Variants in BRD2 observed in about 807,000 individuals in gnomAD.
The protein encoded by BRD2 is bromodomain-containing protein 2.
BRD2 carries 15 observed loss-of-function variants against 79.1 expected under a neutral mutation model. The ratio of observed to expected loss-of-function variants is 0.19; its 90% CI spans 0.13 to 0.29. BRD2 has a LOEUF of 0.29. Ranked by LOEUF, BRD2 falls within the 10% of genes least tolerant of loss-of-function variation. The pLI, the probability that BRD2 is intolerant of heterozygous loss-of-function variation, is 1.00. For synonymous variants in BRD2, 488 were observed against 358.6 expected (o/e 1.36, Z -4.08); for missense variants, 1,053 against 991.3 (o/e 1.06, Z -0.84).
At chr6:32,975,910 C>G (rs1186333846) in intron 4 of BRD2, 121 bp from the exon 5 acceptor site, 14 of 1,162,318 alleles carry the variant, frequency 1.2e-5, no homozygotes, top group Admixed American at 5.8e-5. Context: ...GATTTGATGA[C>G]AAGATGACTG....
At position 32,971,992 on chromosome 6, in the gene BRD2, G is replaced by T; in HGVS notation, c.-907G>T. On this transcript the variant is annotated 5_prime_UTR_variant, in exon 2 of 13. Coordinates refer to ENST00000374825, the MANE Select transcript of BRD2 (RefSeq NM_005104.4). Reference sequence around the variant, plus strand: ...TGGTGACTGACACCTTGGAAATGAAGTTTATGACGTCATCGTTGCGGCTGG... The same window carrying T: ...TGGTGACTGACACCTTGGAAATGAATTTTATGACGTCATCGTTGCGGCTGG... 1.4e-6 allele frequency: 1 copy of T among 702,740 alleles called. No homozygotes were observed. Among genetic ancestry groups the T allele is most frequent in the South Asian group, 1.5e-5 (1 of 67,482 alleles). 43.5% of individuals were successfully genotyped at this position (702,740 alleles called of 1,614,324 possible).
At position 32,975,903 on chromosome 6, in the gene BRD2, T is replaced by G. The variant is rs1488842870; in HGVS notation, c.472-128T>G. The G allele has an allele frequency of 4.4e-6, 5 of 1,129,044 alleles. No homozygotes were observed. In the East Asian group the frequency reaches 1.3e-4, roughly 29 times the overall value. 69.9% of individuals were successfully genotyped at this position (1,129,044 alleles called of 1,614,324 possible). A position where few individuals can be genotyped will look rare whatever the true frequency, so the allele number is the denominator to read the frequency against. ...TGGAGTAGGAAATTTTCTTTAAGAT[T>G]TGATGACAAGATGACTGGTGGGGGT... On this transcript the variant is annotated intron_variant, in intron 4 of 12. Coordinates refer to ENST00000374825, the MANE Select transcript of BRD2 (RefSeq NM_005104.4).
chr6:32,980,357 T>G lies in BRD2; in HGVS notation c.2162T>G (p.Val721Gly). The change falls in exon 12 of 13, where the codon GTG becomes GGG. Residue 721 changes from valine to glycine, a missense_variant. This residue lies in a region of BRD2 where 139 missense variants were observed against 133.2 expected (regional missense o/e 1.04). Coordinates refer to ENST00000374825, the MANE Select transcript of BRD2 (RefSeq NM_005104.4). Reference sequence around the variant, plus strand: ...CTTTCATTAGCCATTAAGAAGCCTGTGGGAAAGACAAAGGAGGAACTGGCT... The same window carrying G: ...CTTTCATTAGCCATTAAGAAGCCTGGGGGAAAGACAAAGGAGGAACTGGCT... ...PRKPYTIKKPVGKTKEELALE... is the reference protein window; with the variant it reads ...PRKPYTIKKPGGKTKEELALE... The G allele has an allele frequency of 1.9e-6, 3 of 1,612,954 alleles. No individual in the cohort carries two copies. Among genetic ancestry groups the G allele is most frequent in the Non-Finnish European group, 2.5e-6 (3 of 1,180,010 alleles).
Position 32,977,956 on chromosome 6 carries a change from C to T in BRD2, c.1529C>T (p.Ser510Leu), listed in dbSNP as rs1214917662. 6.2e-7 allele frequency: 1 copy of T among 1,612,254 alleles called. No homozygotes were observed. The highest frequency in any genetic ancestry group is 8.5e-7 in the Non-Finnish European group (1 of 1,180,008). ...EDEEEEESES[S>L]DSEEERAHRL... is the part of the protein sequence containing the mutation. The stretch of plus-strand genomic sequence containing the variant: ...GAGGAGGAAGAAGAGAGTGAAAGCT[C>T]AGACTCAGAGGAAGAAAGGGCTCAT... The change falls in exon 9 of 13, where the codon TCA (serine) becomes TTA (leucine). Residue 510 changes from serine to leucine, a missense_variant. This residue lies in a region of BRD2 where 454 missense variants were observed against 430.5 expected (regional missense o/e 1.05). Transcript: ENST00000374825.
At chr6:32,973,347 A>C (rs912596483) in intron 2 of BRD2, among the ~76,000 whole-genome samples, 8 of 152,106 alleles carry the variant, frequency 5.3e-5, no homozygotes, top group Admixed American at 5.2e-4. Context: ...AGGGACTGGC[A>C]ACGGGGATTC....
In BRD2 at chr6:32,978,342, G is replaced by C. The variant is rs55952113; in HGVS notation, c.1795G>C (p.Ala599Pro). Residue 599 changes from alanine (A) to proline (P), a missense_variant, in exon 10 of 13, where the codon GCT becomes CCT. Coordinates refer to ENST00000374825, the MANE Select transcript of BRD2 (RefSeq NM_005104.4). The part of the protein sequence containing the change: ...KASGSGGGSA[A>P]LGPSGFGPSG... ...AAGTGGCAGTGGGGGTGGCAGTGCT[G>C]CTTTAGGCCCTTCTGGCTTTGGACC... 3.1e-3 allele frequency: 5,052 copies of C among 1,613,028 alleles called. 29 individuals are homozygous for C. Among genetic ancestry groups the C allele is most frequent in the Middle Eastern group, 0.015 (88 of 6,054 alleles).
In BRD2 at chr6:32,976,833, C is replaced by T. The variant is rs762272026; in HGVS notation, c.1097C>T (p.Ala366Val). 5 of 1,613,180 alleles carry T rather than the reference C, an allele frequency of 3.1e-6. No individual in the cohort carries two copies. Among genetic ancestry groups the T allele is most frequent in the Non-Finnish European group, 4.2e-6 (5 of 1,180,034 alleles). ...AAGGAGTTACTCTCTAAGAAGCATG[C>T]TGCCTATGCTTGGCCTTTCTATAAA... The part of the protein sequence containing the change: ...ILKELLSKKH[A>V]AYAWPFYKPV... Residue 366 changes from alanine to valine, a missense_variant, in exon 7 of 13, where the codon GCT becomes GTT. Ala to Val is a moderately conservative substitution (Grantham distance 64, BLOSUM62 0). Transcript: ENST00000374825.
chr6:32,974,790 G>T, intron 3 of BRD2, 25 bp downstream of exon 3: 1 of 1,606,026 alleles, frequency 6.2e-7, no homozygotes, highest in Non-Finnish European at 8.5e-7. Context: ...TGGAGCCGGG[G>T]AGGTGTGGGA....
At chr6:32,969,333 G>C (rs1777742848) in intron 1 of BRD2, 3 of 716,792 alleles carry the variant, frequency 4.2e-6, no homozygotes, top group Non-Finnish European at 7.8e-6. Context: ...TCCCCTGGGG[G>C]TACAGCAGCC....
intron 2 of BRD2, among the ~76,000 whole-genome samples, chr6:32,973,754 T>G (rs750537234): frequency 7.2e-5 from 11 of 152,140 alleles, no homozygotes; most frequent in Non-Finnish European, 1.5e-4. Context: ...CTTGACTGTT[T>G]TGTACGGCTT....
In BRD2 at chr6:32,977,841, G is replaced by A; in HGVS notation, c.1414G>A (p.Gly472Ser). The change falls in exon 9 of 13, where the codon GGC becomes AGC. Residue 472 changes from glycine to serine, a missense_variant. Around this residue, in one of 5 missense-constraint regions of BRD2, gnomAD observed 454 missense variants for 430.5 expected, o/e 1.05. Transcript: ENST00000374825. Reference protein sequence around the residue: ...PLPVSTAMPPGLAKSSSESSS... With the variant: ...PLPVSTAMPPSLAKSSSESSS... ...ACCAGTCTCTACTGCCATGCCCCCT[G>A]GCTTGGCCAAATCGTCTTCAGAGTC... 3 of 1,613,102 alleles carry A rather than the reference G, an allele frequency of 1.9e-6. No individual in the cohort carries two copies. The highest frequency in any genetic ancestry group is 2.5e-6 in the Non-Finnish European group (3 of 1,180,032).
At chr6:32,973,276 TA>T (rs1462746895) in intron 2 of BRD2, 9 of 950,140 alleles carry the variant, frequency 9.5e-6, no homozygotes, top group Non-Finnish European at 1.4e-5. Flanking sequence ...GTTAGCCTTT[TA>T]GGGGGGATTC....
intron 4 of BRD2, 90 bp downstream of exon 4, chr6:32,975,611 C>A: frequency 6.6e-7 from 1 of 1,506,502 alleles, no homozygotes; most frequent in Non-Finnish European, 9.1e-7. Flanking sequence ...AGTTTAAATC[C>A]TTTGCTACTG....
chr6:32,976,696 T>C lies in BRD2; in HGVS notation c.960T>C (p.Ser320=), dbSNP rs1419054772. The C allele has an allele frequency of 1.2e-6, 2 of 1,612,122 alleles. No homozygotes were observed. Among genetic ancestry groups the C allele is most frequent in the Non-Finnish European group, 1.7e-6 (2 of 1,179,690 alleles). Residue 320 remains serine, a synonymous_variant, in exon 7 of 13, where the codon AGT becomes AGC. Coordinates refer to ENST00000374825, the MANE Select transcript of BRD2 (RefSeq NM_005104.4). The stretch of plus-strand genomic sequence containing the variant: ...GGCTTCCCCCTATGCGTAGAGAGAG[T>C]GGTCGCCCCATCAAGCCCCCACGCA... ...AARLPPMRRE[S]GRPIKPPRKD...
rs1777684536 is a variant in BRD2, at chr6:32,968,870, G to A, written c.-1491G>A. The A allele has an allele frequency of 6.4e-6, 1 of 156,396 alleles. No individual in the cohort carries two copies. Among genetic ancestry groups the A allele is most frequent in the South Asian group, 1.8e-4 (1 of 5,496 alleles). 9.7% of individuals were successfully genotyped at this position (156,396 alleles called of 1,614,324 possible). A position where few individuals can be genotyped will look rare whatever the true frequency, so the allele number is the denominator to read the frequency against. On this transcript the variant is annotated 5_prime_UTR_variant, in exon 1 of 13. The change abolishes the stop of an existing upstream ORF in the 5' untranslated region. Coordinates refer to ENST00000374825, the MANE Select transcript of BRD2 (RefSeq NM_005104.4). ...CCGGTCAGCCAATCTGGGTGCTGCT[G>A]ACGTGGCCGCGCGGCCCCGATGCTC... is the stretch of plus-strand genomic sequence containing the variant.
At chr6:32,975,203 C>G in intron 3 of BRD2, 181 bp from the exon 4 acceptor site, 1 of 1,282,278 alleles carries the variant, frequency 7.8e-7, no homozygotes, top group South Asian at 1.4e-5. Context: ...TGTCAAGAAT[C>G]TTTTTTATTT....
rs374284677 is a variant in BRD2, at chr6:32,976,570, C to T, written c.834C>T (p.Gly278=). The T allele has an allele frequency of 8.2e-5, 131 of 1,593,302 alleles. No individual in the cohort carries two copies. The East Asian group carries it at 2.8e-3, about 34-fold the overall frequency. ...PPAQPLAKKK[G]VKRKADTTTP... ...CTTGTTTCTTTCTGCAGAAAAAAGG[C>T]GTAAAGCGGAAAGCAGATACTACCA... Residue 278 remains glycine, a synonymous_variant, in exon 7 of 13, where the codon GGC becomes GGT. Transcript: ENST00000374825.
chr6:32,977,847 G>A lies in BRD2; in HGVS notation c.1420G>A (p.Ala474Thr), dbSNP rs184752888. The change falls in exon 9 of 13, where the codon GCC (alanine) becomes ACC (threonine). Residue 474 changes from alanine (A) to threonine (T), a missense_variant. This residue lies in a region of BRD2 where 454 missense variants were observed against 430.5 expected (regional missense o/e 1.05). Coordinates refer to ENST00000374825, the MANE Select transcript of BRD2 (RefSeq NM_005104.4). ...CTCTACTGCCATGCCCCCTGGCTTG[G>A]CCAAATCGTCTTCAGAGTCCTCCAG... Reference protein sequence around the residue: ...PVSTAMPPGLAKSSSESSSEE... With the variant: ...PVSTAMPPGLTKSSSESSSEE... 1 of 1,613,076 alleles carries A rather than the reference G, an allele frequency of 6.2e-7. No homozygotes were observed. The highest frequency in any genetic ancestry group is 8.5e-7 in the Non-Finnish European group (1 of 1,180,036).
At chr6:32,977,008 T>C (rs1561947111) in intron 7 of BRD2, 72 bp downstream of exon 7, 1 of 1,512,208 alleles carries the variant, frequency 6.6e-7, no homozygotes, top group Non-Finnish European at 8.9e-7. Flanking sequence ...ATAAGTCTCC[T>C]TATGTGGGCA....
Sources: allele counts gnomAD v4.1 joint callset (sites outside exome capture counted in the v4.1 genomes callset), GRCh38; gene constraint gnomAD v4.1.1; regional missense constraint gnomAD v4.1.1; transcripts MANE v1.5; gene names NCBI Gene and HGNC (gene_info 2026-07-23, HGNC 2026-07-21).